The following THEMIS variants were observed in gnomAD, a reference collection of about 807,000 sequenced individuals.
THEMIS encodes the protein thymocyte selection associated.
In THEMIS, 37 loss-of-function variants were observed where a neutral mutation model predicts 52.6. The ratio of observed to expected loss-of-function variants is 0.70; its 90% CI spans 0.54 to 0.93. The LOEUF (loss-of-function observed/expected upper bound fraction) is 0.93, where lower values mean the gene tolerates loss of function less well. Among genes scored for constraint, THEMIS ranks in the 40% least tolerant of loss-of-function variants. The pLI is 0.00. For synonymous variants in THEMIS, 292 were observed against 272.7 expected, an observed-to-expected ratio of 1.07 and a Z score of -0.70; for missense variants, 808 against 763.1, an observed-to-expected ratio of 1.06 and a Z score of -0.69.
intron 4 of THEMIS, among the ~76,000 whole-genome samples, chr6:127,756,477 G>A (rs1285404547): frequency 6.6e-6 from 1 of 152,224 alleles, no homozygotes; most frequent in East Asian, 1.9e-4. Flanking sequence ...AACGATCAAT[G>A]TAAAAAACCA....
intron 1 of THEMIS, among the ~76,000 whole-genome samples, chr6:127,876,851 T>A (rs997805070): frequency 6.6e-6 from 1 of 152,168 alleles, no homozygotes; most frequent in Non-Finnish European, 1.5e-5. Context: ...AATACCCTTA[T>A]AATTTACTTA....
At position 127,784,661 on chromosome 6, in the gene THEMIS, A is replaced by G. The variant is rs763430382; in HGVS notation, c.1758+28222T>C. ...AGCAGAAATGTTTCTTTTGTTTTTT[A>G]ATGTCATGGCTCTGAAGATACTGAG... On this transcript the variant is annotated intron_variant, in intron 4 of 5. Coordinates refer to ENST00000368248, the MANE Select transcript of THEMIS (RefSeq NM_001010923.3). 3.9e-5 allele frequency among the ~76,000 whole-genome samples: 6 copies of G among 152,070 alleles called. No homozygotes were observed. In the East Asian group the frequency reaches 9.7e-4, roughly 25 times the overall value.
At chr6:127,809,218 GT>G (rs1169482297) in intron 4 of THEMIS, among the ~76,000 whole-genome samples, 1 of 152,064 alleles carries the variant, frequency 6.6e-6, no homozygotes, top group Non-Finnish European at 1.5e-5. Context: ...CTTAGAGGCT[GT>G]TTTTTAATGG....
chr6:127,785,003 CTAT>C lies in THEMIS; in HGVS notation c.1758+27877_1758+27879del, dbSNP rs1208174480. ...TCTATCTATCTATCTATCTATCTAT[CTAT>C]TATCTATCTATCTATCTACCTATCA... On this transcript the variant is annotated intron_variant, in intron 4 of 5. Transcript: ENST00000368248. Among the ~76,000 whole-genome samples the C allele has an allele frequency of 7.2e-5, 8 of 110,570 alleles. 1 individual carries two copies. Among genetic ancestry groups the C allele is most frequent in the East Asian group, 2.4e-4 (1 of 4,192 alleles). 72.5% of individuals were successfully genotyped at this position (110,570 alleles called of 152,430 possible). A position where few individuals can be genotyped will look rare whatever the true frequency, so the allele number is the denominator to read the frequency against.
chr6:127,862,096 C>A (rs1456044304), intron 1 of THEMIS, among the ~76,000 whole-genome samples: 1 of 152,016 alleles, frequency 6.6e-6, no homozygotes, highest in African/African-American at 2.4e-5. Flanking sequence ...AGGATGTAGT[C>A]TCAAGGAGTT....
chr6:127,701,894 A>C, the THEMIS span, among the ~76,000 whole-genome samples: 75 of 152,160 alleles, frequency 4.9e-4, no homozygotes, highest in African/African-American at 1.7e-3. Flanking sequence ...GCTTGTCTGA[A>C]TTTTACTTAA....
chr6:127,777,016 T>C (rs2114464947), intron 4 of THEMIS, among the ~76,000 whole-genome samples: 1 of 152,180 alleles, frequency 6.6e-6, no homozygotes, highest in Non-Finnish European at 1.5e-5. Context: ...ATATATATTT[T>C]CCCATTCTTT....
intron 4 of THEMIS, among the ~76,000 whole-genome samples, chr6:127,729,085 T>C (rs1180054681): frequency 2.0e-5 from 3 of 150,862 alleles, no homozygotes; most frequent in Admixed American, 6.6e-5. Context: ...ACTTTCTCAC[T>C]GTGGCTATCA....
rs139537923 is a variant in THEMIS at position 127,742,377 on chromosome 6, T to C, written c.1759-22554A>G. 3.1e-3 allele frequency among the ~76,000 whole-genome samples: 436 copies of C among 142,920 alleles called. 3 individuals carry two copies. Among genetic ancestry groups the C allele is most frequent in the African/African-American group, 0.011 (422 of 38,790 alleles). The allele number at this position is 142,920 out of a possible 152,430, so 93.8% of individuals were successfully genotyped here. On this transcript the variant is annotated intron_variant, in intron 4 of 5. Transcript: ENST00000368248. ...ACAAAAAAACAAAACAAAACAAAGA[T>C]AGAATCACCAAATGATGTAGTAACT...
At chr6:127,769,858 T>A (rs1776323369) in intron 4 of THEMIS, among the ~76,000 whole-genome samples, 1 of 152,140 alleles carries the variant, frequency 6.6e-6, no homozygotes, top group Non-Finnish European at 1.5e-5. Context: ...CACCTATGAG[T>A]GAGAACATGT....
chr6:127,867,718 C>T (rs1042052833), intron 1 of THEMIS, among the ~76,000 whole-genome samples: 1 of 152,008 alleles, frequency 6.6e-6, no homozygotes, highest in African/African-American at 2.4e-5. Context: ...GCTAACAGTG[C>T]CTAACCTAAA....
At chr6:127,883,638 A>C (rs1043472429) in intron 1 of THEMIS, among the ~76,000 whole-genome samples, 2 of 152,058 alleles carry the variant, frequency 1.3e-5, no homozygotes, top group Non-Finnish European at 2.9e-5. Flanking sequence ...TATTCAGTAG[A>C]AACCATACTT....
At chr6:127,780,473 G>A (rs539779915) in intron 4 of THEMIS, among the ~76,000 whole-genome samples, 4 of 152,266 alleles carry the variant, frequency 2.6e-5, no homozygotes, top group South Asian at 4.1e-4. Context: ...ATTAGTTGAC[G>A]CAGTTTCTTC....
At chr6:127,850,417 T>C (rs1256297171) in intron 2 of THEMIS, among the ~76,000 whole-genome samples, 1 of 151,822 alleles carries the variant, frequency 6.6e-6, no homozygotes, top group African/African-American at 2.4e-5. Context: ...AGTCATTGTA[T>C]GAAAAAGACA....
intron 1 of THEMIS, among the ~76,000 whole-genome samples, chr6:127,879,294 C>A (rs1454421387): frequency 6.6e-6 from 1 of 152,092 alleles, no homozygotes; most frequent in Non-Finnish European, 1.5e-5. Context: ...TCTAACTCTG[C>A]AAGAGGCTTG....
rs1388326811 is a variant in THEMIS, at chr6:127,813,767, C to T, written c.874G>A (p.Glu292Lys). 2 of 1,613,796 alleles carry T rather than the reference C, an allele frequency of 1.2e-6. No homozygotes were observed. Among genetic ancestry groups the T allele is most frequent in the African/African-American group, 2.7e-5 (2 of 74,862 alleles). The change falls in exon 4 of 6, where the codon GAA becomes AAA. Residue 292 changes from glutamate (E) to lysine (K), a missense_variant. Physicochemically the swap from Glu to Lys is moderately conservative, Grantham distance 56. Transcript: ENST00000368248. Reference sequence around the variant, plus strand: ...ATGCTTTGGGGCAGGTGGTTTCCTTCAGGTGCTTCTATGACTTCAGTCACT... The same window carrying T: ...ATGCTTTGGGGCAGGTGGTTTCCTTTAGGTGCTTCTATGACTTCAGTCACT... ...PIVTEVIEAP[E>K]GNHLPQSILQ...
intron 2 of THEMIS, among the ~76,000 whole-genome samples, chr6:127,843,133 T>G (rs1779105264): frequency 1.3e-5 from 2 of 152,062 alleles, no homozygotes; most frequent in Non-Finnish European, 1.5e-5. Context: ...TAGTAAATTT[T>G]CTAACATTCA....
At chr6:127,735,305 A>T (rs1774965258) in intron 4 of THEMIS, among the ~76,000 whole-genome samples, 1 of 151,582 alleles carries the variant, frequency 6.6e-6, no homozygotes, top group South Asian at 2.1e-4. Context: ...TGTTACAAAT[A>T]GGGGCGTGTG....
At chr6:127,814,151 C>T (rs867362221) in intron 3 of THEMIS, among the ~76,000 whole-genome samples, 6 of 152,092 alleles carry the variant, frequency 3.9e-5, no homozygotes, top group South Asian at 2.1e-4. Context: ...GTTTAAGAAG[C>T]GGACATTAGC....
Sources: gnomAD v4.1 joint callset for allele counts (sites outside exome capture counted in the v4.1 genomes callset) on GRCh38, gnomAD v4.1.1 for gene constraint, MANE v1.5 for transcripts, NCBI Gene and HGNC (gene_info 2026-07-23, HGNC 2026-07-21) for gene names.